STRIP2: variants seen among roughly 807,000 people sequenced by gnomAD.
The protein encoded by STRIP2 is striatin interacting protein 2, also known as striatin-interacting protein 2.
STRIP2 carries 84 observed loss-of-function variants against 107.1 expected under a neutral mutation model. The observed-to-expected ratio is 0.78, with a 90% confidence interval of 0.66 to 0.94. The LOEUF (loss-of-function observed/expected upper bound fraction) is 0.94. Among genes scored for constraint, STRIP2 ranks in the 40% least tolerant of loss-of-function variants. The probability of loss-of-function intolerance (pLI) is 0.00; values close to 1 mark genes in which losing one functional copy is unlikely to be tolerated. For synonymous variants in STRIP2, 394 were observed against 400.4 expected (o/e 0.98, Z 0.19); for missense variants, 888 against 1,034.2 (o/e 0.86, Z 1.94).
In STRIP2 at chr7:129,487,134, C is replaced by T. The variant is rs1799261453; in HGVS notation, c.*1305C>T. ...GTTCAAGCGATTCTCCTGCCTCAGC[C>T]TCCCAAGGAGCTGGGATTACAGGCA... On this transcript the variant is annotated 3_prime_UTR_variant, in exon 21 of 21. Transcript: ENST00000249344. 6.6e-6 allele frequency: 1 copy of T among 151,100 alleles called. No individual in the cohort carries two copies. The allele number at this position is 151,100 out of a possible 1,614,324, so 9.4% of individuals were successfully genotyped here. A position where few individuals can be genotyped will look rare whatever the true frequency, so the allele number is the denominator to read the frequency against.
At chr7:129,476,560 AC>A (rs1286691524) in intron 18 of STRIP2, among the ~76,000 whole-genome samples, 3 of 126,498 alleles carry the variant, frequency 2.4e-5, no homozygotes, top group African/African-American at 6.2e-5. Flanking sequence ...GGGCAGAGGC[AC>A]TCCTCACATC....
chr7:129,443,663 T>C (rs549715829), intron 2 of STRIP2, among the ~76,000 whole-genome samples: 1 of 152,342 alleles, frequency 6.6e-6, no homozygotes, highest in South Asian at 2.1e-4. Context: ...CCTCCTCTTC[T>C]CTTAGAGATG....
At chr7:129,485,476 T>TAAA in intron 20 of STRIP2, 103 bp from the exon 21 acceptor site, 3 of 1,178,662 alleles carry the variant, frequency 2.5e-6, no homozygotes, top group Non-Finnish European at 3.5e-6. Context: ...AAAAAAAGAA[T>TAAA]TTCTGAGCAG....
In STRIP2 at chr7:129,455,260, T is replaced by C. The variant is rs777491329; in HGVS notation, c.723T>C (p.Asn241=). Residue 241 remains asparagine, a synonymous_variant, in exon 8 of 21, where the codon AAT becomes AAC. Coordinates refer to ENST00000249344, the MANE Select transcript of STRIP2 (RefSeq NM_020704.3). ...FRTELSFSMH[N]EEPFALLLFS... ...CACCCCTAGGCTTCTCCATGCATAA[T>C]GAGGAGCCTTTTGCCCTTTTACTCT... 4 of 1,613,546 alleles carry C rather than the reference T, an allele frequency of 2.5e-6. No individual in the cohort carries two copies. The South Asian group carries it at 3.3e-5, about 13-fold the overall frequency.
intron 2 of STRIP2, among the ~76,000 whole-genome samples, chr7:129,440,483 A>G (rs762058071): frequency 6.6e-6 from 1 of 151,542 alleles, no homozygotes; most frequent in African/African-American, 2.4e-5. Context: ...TTTCTATCCC[A>G]TGCCATCTCT....
Position 129,456,504 on chromosome 7 carries a change from G to A in STRIP2, c.900G>A (p.Leu300=). Residue 300 remains leucine (L), a synonymous_variant, in exon 9 of 21, where the codon CTG becomes CTA. Coordinates refer to ENST00000249344, the MANE Select transcript of STRIP2 (RefSeq NM_020704.3). ...LKVQKRAELG[L]PPLAEDSIQV... is the part of the protein sequence containing the mutation. ...TACAGAAGCGGGCAGAATTGGGCCTGCCTCCACTGGCTGAAGACAGTATCC... is the reference window on the plus strand; with the variant it reads ...TACAGAAGCGGGCAGAATTGGGCCTACCTCCACTGGCTGAAGACAGTATCC... The A allele has an allele frequency of 6.2e-7, 1 of 1,614,048 alleles. No homozygotes were observed. Among genetic ancestry groups the A allele is most frequent in the Non-Finnish European group, 8.5e-7 (1 of 1,180,006 alleles).
intron 13 of STRIP2, among the ~76,000 whole-genome samples, chr7:129,462,014 ACT>A (rs1476435062): frequency 6.6e-6 from 1 of 152,110 alleles, no homozygotes; most frequent in Non-Finnish European, 1.5e-5. Flanking sequence ...AAGGAAGAAG[ACT>A]CTTGGTAGAT....
At chr7:129,478,142 C>A in intron 18 of STRIP2, 1 of 255,010 alleles carries the variant, frequency 3.9e-6, no homozygotes, top group South Asian at 4.1e-5. Context: ...CACGTCCCCT[C>A]TCCAAAGAGC....
intron 3 of STRIP2, among the ~76,000 whole-genome samples, chr7:129,446,376 A>T (rs1051523819): frequency 2.6e-5 from 4 of 152,106 alleles, no homozygotes; most frequent in Non-Finnish European, 4.4e-5. Context: ...CAATTTTCCA[A>T]TCATGCTTCT....
Position 129,486,535 on chromosome 7 carries a change from A to G in STRIP2, c.*706A>G, listed in dbSNP as rs1255367239. The G allele has an allele frequency of 6.6e-6, 1 of 152,256 alleles. No homozygotes were observed. The highest frequency in any genetic ancestry group is 1.5e-5 in the Non-Finnish European group (1 of 68,050). 9.4% of individuals were successfully genotyped at this position (152,256 alleles called of 1,614,324 possible). On this transcript the variant is annotated 3_prime_UTR_variant, in exon 21 of 21. Transcript: ENST00000249344. ...CTGCCATTTTTAAAGAGCCACAACC[A>G]ATATGAAATAATTAGGTCCTCTCTA...
At chr7:129,484,521 A>G (rs1421298504) in intron 20 of STRIP2, 2 of 152,198 alleles carry the variant, frequency 1.3e-5, no homozygotes, top group Admixed American at 1.3e-4. Flanking sequence ...CCTGGCAGGG[A>G]AAATACCATG....
chr7:129,458,091 G>C lies in STRIP2; in HGVS notation c.1039-124G>C. On this transcript the variant is annotated intron_variant, in intron 9 of 20. Transcript: ENST00000249344. This position sits in a 1 kb window ranked among gnomAD's most constrained non-coding sequence, Gnocchi z 4.6. ...TTAAGGTGGGGAATTGGATGTTTTC[G>C]CAAGGGCTGTGTTCAGATTCCATGT... 1 of 787,484 alleles carries C rather than the reference G, an allele frequency of 1.3e-6. No individual in the cohort carries two copies. The highest frequency in any genetic ancestry group is 2.2e-6 in the Non-Finnish European group (1 of 452,724). 48.8% of individuals were successfully genotyped at this position (787,484 alleles called of 1,614,324 possible).
At position 129,439,857 on chromosome 7, in the gene STRIP2, G is replaced by A. The variant is rs540315464; in HGVS notation, c.130-165G>A. ...ACTGAGACTCAAGTTTTGGCTTGGC[G>A]TAGGGTACCTCTGAGATGAAAGACC... is the stretch of plus-strand genomic sequence containing the variant. On this transcript the variant is annotated intron_variant, in intron 1 of 20. Transcript: ENST00000249344. Among the ~76,000 whole-genome samples the A allele has an allele frequency of 3.3e-5, 5 of 152,292 alleles. No homozygotes were observed. The East Asian group carries it at 7.7e-4, about 24-fold the overall frequency.
At chr7:129,443,482 T>C (rs729791) in intron 2 of STRIP2, among the ~76,000 whole-genome samples, 1 of 152,110 alleles carries the variant, frequency 6.6e-6, no homozygotes, top group African/African-American at 2.4e-5. Flanking sequence ...GCCTCTGCTT[T>C]GTGGCTGTGG....
chr7:129,469,546 T>C (rs73477304), intron 17 of STRIP2, among the ~76,000 whole-genome samples: 1 of 152,338 alleles, frequency 6.6e-6, no homozygotes, highest in African/African-American at 2.4e-5. Flanking sequence ...CAGCCAAGAA[T>C]GTTCATCCTA....
intron 3 of STRIP2, among the ~76,000 whole-genome samples, chr7:129,451,228 C>A (rs1005716324): frequency 1.3e-5 from 2 of 151,884 alleles, no homozygotes; most frequent in African/African-American, 2.4e-5. Flanking sequence ...CGTGAGCCAC[C>A]GCACCCGGCC....
chr7:129,458,806 A>G lies in STRIP2; in HGVS notation c.1340+29A>G, dbSNP rs779302703. 19 of 1,611,664 alleles carry G rather than the reference A, an allele frequency of 1.2e-5. No homozygotes were observed. The East Asian group carries it at 3.6e-4, about 30-fold the overall frequency. On this transcript the variant is annotated intron_variant, in intron 11 of 20. Transcript: ENST00000249344. The surrounding 1 kb of genome is among the most constrained non-coding windows in gnomAD (Gnocchi z 4.6). Reference sequence around the variant, plus strand: ...AGTGACTGAATGGCTGGAACTGGCTACAGAGTGGTTCCTAGGGGGCCAGAG... The same window carrying G: ...AGTGACTGAATGGCTGGAACTGGCTGCAGAGTGGTTCCTAGGGGGCCAGAG...
chr7:129,457,292 T>C (rs1165770793), intron 9 of STRIP2, among the ~76,000 whole-genome samples: 4 of 152,240 alleles, frequency 2.6e-5, no homozygotes, highest in Admixed American at 6.5e-5. Context: ...ACTACAAACC[T>C]GTACAGCAGG....
chr7:129,464,715 T>C lies in STRIP2; in HGVS notation c.1753T>C (p.Phe585Leu). Reference protein sequence around the residue: ...STLLLLLLKHFKLNHIYQFEY... With the variant: ...STLLLLLLKHLKLNHIYQFEY... ...CCTGCTTCTGCTACTCCTCAAACAC[T>C]TCAAACTCAACCATATCTACCAGGT... is the stretch of plus-strand genomic sequence containing the variant. Residue 585 changes from phenylalanine to leucine, a missense_variant, in exon 16 of 21, where the codon TTC becomes CTC. Transcript: ENST00000249344. The C allele has an allele frequency of 6.2e-7, 1 of 1,614,168 alleles. No individual in the cohort carries two copies. The highest frequency in any genetic ancestry group is 1.1e-5 in the South Asian group (1 of 91,078).
Sources: allele counts gnomAD v4.1 joint callset (sites outside exome capture counted in the v4.1 genomes callset), GRCh38; gene constraint gnomAD v4.1.1; non-coding constraint Gnocchi (gnomAD v3.1); transcripts MANE v1.5; gene names NCBI Gene and HGNC (gene_info 2026-07-23, HGNC 2026-07-21).